The following CNBD1 variants were observed in gnomAD, a reference collection of about 807,000 sequenced individuals.
CNBD1 encodes the protein cyclic nucleotide binding domain containing 1, also known as cyclic nucleotide-binding domain-containing protein 1.
In CNBD1, 71 loss-of-function variants were observed where a neutral mutation model predicts 54.4. The ratio of observed to expected loss-of-function variants is 1.30; its 90% CI spans 1.08 to 1.59. The LOEUF is 1.59. CNBD1 is among the 40% of genes most tolerant of loss of function. The pLI, the probability that CNBD1 is intolerant of heterozygous loss-of-function variation, is 0.00. For missense variants in CNBD1, 659 were observed against 518.0 expected (o/e 1.27, Z -2.64); for synonymous variants, 182 against 170.7 (o/e 1.07, Z -0.51).
intron 8 of CNBD1, among the ~76,000 whole-genome samples, chr8:87,322,263 T>C (rs1809553445): frequency 8.1e-6 from 1 of 123,840 alleles, no homozygotes; most frequent in Admixed American, 7.8e-5. Context: ...GCAATAAACA[T>C]ACGTGTGCAT....
chr8:86,961,635 G>A (rs1331084134), intron 4 of CNBD1, among the ~76,000 whole-genome samples: 3 of 152,198 alleles, frequency 2.0e-5, no homozygotes. Flanking sequence ...TCCAACCTTA[G>A]AGTGTCAGAT....
At chr8:87,379,966 G>A (rs553312657) in intron 10 of CNBD1, among the ~76,000 whole-genome samples, 2 of 151,826 alleles carry the variant, frequency 1.3e-5, no homozygotes, top group Admixed American at 6.6e-5. Context: ...TTTACCAAGT[G>A]GTAAAATCTA....
At chr8:87,072,445 C>G (rs1447445434) in intron 4 of CNBD1, among the ~76,000 whole-genome samples, 1 of 152,114 alleles carries the variant, frequency 6.6e-6, no homozygotes, top group East Asian at 1.9e-4. Flanking sequence ...TGACTGATAA[C>G]AGTTTTTCCT....
intron 4 of CNBD1, among the ~76,000 whole-genome samples, chr8:87,065,273 GTT>G (rs1304764023): frequency 2.6e-5 from 4 of 151,896 alleles, no homozygotes; most frequent in Middle Eastern, 3.4e-3. Context: ...CTGTTTTTCT[GTT>G]GTTTTGTTTA....
rs551770233 is a variant in CNBD1, at chr8:87,391,885, C to G, written c.214-36661C>G. Among the ~76,000 whole-genome samples, 25 of 152,112 alleles carry G rather than the reference C, an allele frequency of 1.6e-4. No homozygotes were observed. The Middle Eastern group carries it at 0.014, about 83-fold the overall frequency. On this transcript the variant is annotated intron_variant, in intron 2 of 7. Coordinates refer to the CNBD1 transcript ENST00000521593. ...ACTTTTGTGCTGCAAATGACACTAT[C>G]AAGAAAGTGATGTGAATCCACAGAA...
intron 3 of CNBD1, among the ~76,000 whole-genome samples, chr8:86,935,328 G>T (rs1809528399): frequency 6.6e-6 from 1 of 152,194 alleles, no homozygotes; most frequent in Admixed American, 6.5e-5. Context: ...GAGCCGACAT[G>T]CCTGGCTGGG....
chr8:87,109,201 A>G (rs929903071), intron 4 of CNBD1, among the ~76,000 whole-genome samples: 3 of 152,162 alleles, frequency 2.0e-5, no homozygotes, highest in Non-Finnish European at 4.4e-5. Context: ...GGAAAAAAAT[A>G]AAGGCTGAGA....
chr8:87,349,232 G>A (rs1810234123), intron 8 of CNBD1, among the ~76,000 whole-genome samples: 4 of 152,108 alleles, frequency 2.6e-5, no homozygotes, highest in Admixed American at 2.6e-4. Flanking sequence ...TATCTTGACA[G>A]CATAAGTTCT....
At chr8:87,081,263 T>C (rs1338046874) in intron 4 of CNBD1, among the ~76,000 whole-genome samples, 1 of 152,124 alleles carries the variant, frequency 6.6e-6, no homozygotes, top group Non-Finnish European at 1.5e-5. Flanking sequence ...TCTTGACAAA[T>C]GGGTTATTTA....
intron 4 of CNBD1, among the ~76,000 whole-genome samples, chr8:87,028,156 A>G (rs1322426685): frequency 6.6e-6 from 1 of 152,166 alleles, no homozygotes; most frequent in Admixed American, 6.5e-5. Flanking sequence ...GCAAATGGAA[A>G]TTCCTTTAAA....
chr8:86,978,164 G>A (rs535779980), intron 4 of CNBD1, among the ~76,000 whole-genome samples: 3 of 152,096 alleles, frequency 2.0e-5, no homozygotes, highest in African/African-American at 7.2e-5. Context: ...TATCACTTAT[G>A]TGCTTTTTCT....
intron 4 of CNBD1, among the ~76,000 whole-genome samples, chr8:87,092,712 C>A (rs1022354469): frequency 5.9e-5 from 9 of 151,774 alleles, no homozygotes; most frequent in African/African-American, 1.7e-4. Flanking sequence ...AAAAAAAATT[C>A]TCTTCAGTTT....
intron 4 of CNBD1, among the ~76,000 whole-genome samples, chr8:86,948,121 A>G (rs533253699): frequency 3.3e-5 from 5 of 152,242 alleles, no homozygotes; most frequent in East Asian, 3.9e-4. Flanking sequence ...ATGGTACTCC[A>G]TTGTGTATAT....
intron 4 of CNBD1, among the ~76,000 whole-genome samples, chr8:86,986,639 G>C (rs1157684630): frequency 3.3e-5 from 5 of 152,142 alleles, no homozygotes; most frequent in Non-Finnish European, 7.3e-5. Flanking sequence ...GATTTTTATA[G>C]TTTGAGGTAT....
chr8:87,145,731 G>T (rs1309970047), intron 4 of CNBD1, among the ~76,000 whole-genome samples: 3 of 152,058 alleles, frequency 2.0e-5, no homozygotes, highest in African/African-American at 7.2e-5. Context: ...TAACATATCT[G>T]CAACAAGAAA....
intron 2 of CNBD1, among the ~76,000 whole-genome samples, chr8:87,404,846 G>A (rs78006205): frequency 7.1e-6 from 1 of 140,684 alleles, no homozygotes; most frequent in East Asian, 2.0e-4. Flanking sequence ...ACAATGTTTT[G>A]CAAAACTTTC....
At chr8:87,005,484 G>T (rs1809079684) in intron 4 of CNBD1, among the ~76,000 whole-genome samples, 1 of 152,050 alleles carries the variant, frequency 6.6e-6, no homozygotes, top group African/African-American at 2.4e-5. Context: ...AGTCATGGTT[G>T]ATAGTGTATT....
At chr8:87,426,774 T>C (rs1808058222) in intron 2 of CNBD1, among the ~76,000 whole-genome samples, 1 of 152,322 alleles carries the variant, frequency 6.6e-6, no homozygotes. Flanking sequence ...AATTTGAGTT[T>C]CCTTGGCTCA....
intron 2 of CNBD1, among the ~76,000 whole-genome samples, chr8:87,389,158 A>G (rs569478057): frequency 6.6e-6 from 1 of 152,328 alleles, no homozygotes; most frequent in South Asian, 2.1e-4. Flanking sequence ...TGAATGGGCA[A>G]AAACTGGAAG....
Sources: gnomAD v4.1 joint callset for allele counts (sites outside exome capture counted in the v4.1 genomes callset) on GRCh38, gnomAD v4.1.1 for gene constraint, MANE v1.5 for transcripts, NCBI Gene and HGNC (gene_info 2026-07-23, HGNC 2026-07-21) for gene names.